FEZ1: variants seen among roughly 807,000 people sequenced by gnomAD.
The protein encoded by FEZ1 is fasciculation and elongation protein zeta 1.
Under a neutral mutation model 49.3 loss-of-function variants are expected in FEZ1, and 20 were observed. The ratio of observed to expected loss-of-function variants is 0.41; its 90% CI spans 0.29 to 0.59. The LOEUF (loss-of-function observed/expected upper bound fraction) is 0.59. Among genes scored for constraint, FEZ1 ranks in the 20% least tolerant of loss-of-function variants. The pLI is 0.36. For missense variants in FEZ1, 413 were observed against 476.0 expected, an observed-to-expected ratio of 0.87 and a Z score of 1.23; for synonymous variants, 170 against 180.9, an observed-to-expected ratio of 0.94 and a Z score of 0.48.
chr11:125,495,222 G>A lies in FEZ1; in HGVS notation c.-46+899C>T, dbSNP rs1046029163. On this transcript the variant is annotated intron_variant, in intron 1 of 9. Transcript: ENST00000278919. This position sits in a 1 kb window ranked among gnomAD's most constrained non-coding sequence, Gnocchi z 4.2. ...GAAAGCCTCCTCCAGGCAGCACAATGGCTGGCACTCTGAGGAAGCCGGACT... is the reference window on the plus strand; with the variant it reads ...GAAAGCCTCCTCCAGGCAGCACAATAGCTGGCACTCTGAGGAAGCCGGACT... The A allele has an allele frequency of 9.3e-5, 35 of 378,146 alleles. No individual in the cohort carries two copies. Among genetic ancestry groups the A allele is most frequent in the Non-Finnish European group, 1.8e-4 (33 of 180,174 alleles). The allele number at this position is 378,146 out of a possible 1,614,324, so 23.4% of individuals were successfully genotyped here.
rs537095838 is a variant in FEZ1, at chr11:125,452,421, A to G, written c.1021-12T>C. ...ACTGTGTTCAGATACTGCAAGACAA[A>G]CAGCATGCAGGGGGCTTGAGACAGA... On this transcript the variant is annotated splice_polypyrimidine_tract_variant and intron_variant, in intron 7 of 9. Transcript: ENST00000278919. 2.1e-5 allele frequency: 34 copies of G among 1,594,822 alleles called. No homozygotes were observed. The South Asian group carries it at 3.6e-4, about 17-fold the overall frequency.
At chr11:125,448,219 A>G (rs138567374) in intron 9 of FEZ1, among the ~76,000 whole-genome samples, 139 of 152,346 alleles carry the variant, frequency 9.1e-4, no homozygotes, top group African/African-American at 3.0e-3. Flanking sequence ...TCCCAACTAA[A>G]TACTAAGTAG....
intron 5 of FEZ1, among the ~76,000 whole-genome samples, chr11:125,459,506 C>T (rs1032181310): frequency 2.6e-5 from 4 of 151,562 alleles, no homozygotes; most frequent in Non-Finnish European, 5.9e-5. Context: ...GCAGGAGAAT[C>T]GCGTGAAGCT....
At position 125,445,341 on chromosome 11, in the gene FEZ1, C is replaced by T. The variant is rs1026880996; in HGVS notation, c.*754G>A. 3.9e-5 allele frequency among the ~76,000 whole-genome samples: 6 copies of T among 152,216 alleles called. No individual in the cohort carries two copies. The highest frequency in any genetic ancestry group is 3.2e-3 in the Middle Eastern group (1 of 316). ...CGCAGGCCCTGAGCCTCCAGGTCCC[C>T]GTGGACAGCCTGGGGAGGGTCTCCA... On this transcript the variant is annotated 3_prime_UTR_variant, in exon 10 of 10. Coordinates refer to ENST00000278919, the MANE Select transcript of FEZ1 (RefSeq NM_005103.5). This position sits in a 1 kb window ranked among gnomAD's most constrained non-coding sequence, Gnocchi z 4.4.
Position 125,444,667 on chromosome 11 carries a change from T to C in FEZ1, c.*1428A>G, listed in dbSNP as rs1211364480. Among the ~76,000 whole-genome samples the C allele has an allele frequency of 6.6e-6, 1 of 151,908 alleles. No homozygotes were observed. The highest frequency in any genetic ancestry group is 1.5e-5 in the Non-Finnish European group (1 of 67,970). ...GTCCCCTAGATGGATTCTGTGGCCT[T>C]CTGTGGAGCTGCTGATGTGATAAAG... On this transcript the variant is annotated 3_prime_UTR_variant, in exon 10 of 10. Transcript: ENST00000278919.
chr11:125,460,593 T>A lies in FEZ1; in HGVS notation c.572A>T (p.Glu191Val). 2 of 1,614,110 alleles carry A rather than the reference T, an allele frequency of 1.2e-6. No individual in the cohort carries two copies. The highest frequency in any genetic ancestry group is 8.5e-7 in the Non-Finnish European group (1 of 1,179,978). ...PEEEEEVLEE[E>V]DGGETSSQAD... ...CTGGGAGGAAGTTTCTCCTCCATCC[T>A]CTTCTTCCAGAACCTCCTCTTCTTC... Residue 191 changes from glutamate to valine, a missense_variant, in exon 5 of 10, where the codon GAG becomes GTG. Coordinates refer to ENST00000278919, the MANE Select transcript of FEZ1 (RefSeq NM_005103.5).
At chr11:125,486,869 A>G (rs1957329969) in intron 2 of FEZ1, among the ~76,000 whole-genome samples, 2 of 152,246 alleles carry the variant, frequency 1.3e-5, no homozygotes, top group Non-Finnish European at 2.9e-5. Flanking sequence ...TGTCTATGAA[A>G]CAAAGTGTGT....
intron 3 of FEZ1, among the ~76,000 whole-genome samples, chr11:125,473,137 T>C (rs1434330706): frequency 6.6e-6 from 1 of 152,150 alleles, no homozygotes; most frequent in Admixed American, 6.5e-5. Flanking sequence ...CAGTGTGGGA[T>C]TGGCATAAAG....
Position 125,489,972 on chromosome 11 carries a change from T to C in FEZ1, c.-45-150A>G. Reference sequence around the variant, plus strand: ...GCTCCTGGACAAGATCGTCTAGGTTTGCATTCTGTTCTGTCCTACCAGCTG... The same window carrying C: ...GCTCCTGGACAAGATCGTCTAGGTTCGCATTCTGTTCTGTCCTACCAGCTG... On this transcript the variant is annotated intron_variant, in intron 1 of 9. Transcript: ENST00000278919. This position sits in a 1 kb window ranked among gnomAD's most constrained non-coding sequence, Gnocchi z 4.2. The C allele has an allele frequency of 1.6e-6, 1 of 642,520 alleles. No homozygotes were observed. The highest frequency in any genetic ancestry group is 2.4e-6 in the Non-Finnish European group (1 of 414,324). 39.8% of individuals were successfully genotyped at this position (642,520 alleles called of 1,614,324 possible).
chr11:125,471,427 TAG>T (rs2135763571), intron 3 of FEZ1, among the ~76,000 whole-genome samples: 1 of 97,088 alleles, frequency 1.0e-5, no homozygotes, highest in African/African-American at 3.9e-5. Flanking sequence ...AGGATTGAGA[TAG>T]ATACACACAC....
intron 1 of FEZ1, among the ~76,000 whole-genome samples, chr11:125,494,522 T>TATA (rs1481173350): frequency 1.3e-5 from 2 of 152,238 alleles, no homozygotes; most frequent in African/African-American, 4.8e-5. Flanking sequence ...TTATTCCCTT[T>TATA]AGACTTCCAA....
intron 1 of FEZ1, among the ~76,000 whole-genome samples, chr11:125,493,827 G>A (rs1377539943): frequency 6.6e-6 from 1 of 152,206 alleles, no homozygotes; most frequent in African/African-American, 2.4e-5. Context: ...GGGAGAAGCA[G>A]ATGGTGACAC....
chr11:125,445,174 G>A lies in FEZ1; in HGVS notation c.*921C>T, dbSNP rs1956888180. On this transcript the variant is annotated 3_prime_UTR_variant, in exon 10 of 10. Transcript: ENST00000278919. This position sits in a 1 kb window ranked among gnomAD's most constrained non-coding sequence, Gnocchi z 4.4. ...GAGCTGCTGTTCATGGAGGGCCGCG[G>A]GAAGGGCCAGGACAGCACTGCAAAG... is the stretch of plus-strand genomic sequence containing the variant. 2.6e-5 allele frequency among the ~76,000 whole-genome samples: 4 copies of A among 152,328 alleles called. No individual in the cohort carries two copies. The South Asian group carries it at 8.3e-4, about 32-fold the overall frequency.
rs1309003744 is a variant in FEZ1 at position 125,493,508 on chromosome 11, G to GAGAAAGAAAGAA, written c.-46+2601_-46+2612dup. ...AAAGAAGGAAAGAAAGAAAGAAAGA[G>GAGAAAGAAAGAA]AGAAAGAAAGAAAGAAAGAAAGAAA... On this transcript the variant is annotated intron_variant, in intron 1 of 9. Transcript: ENST00000278919. Among the ~76,000 whole-genome samples the GAGAAAGAAAGAA allele has an allele frequency of 3.9e-4, 26 of 66,052 alleles. 2 individuals carry two copies. The highest frequency in any genetic ancestry group is 6.4e-4 in the South Asian group (1 of 1,568). 43.3% of individuals were successfully genotyped at this position (66,052 alleles called of 152,430 possible). A position where few individuals can be genotyped will look rare whatever the true frequency, so the allele number is the denominator to read the frequency against.
At chr11:125,474,410 T>G (rs1957211205) in intron 3 of FEZ1, among the ~76,000 whole-genome samples, 1 of 151,906 alleles carries the variant, frequency 6.6e-6, no homozygotes, top group Admixed American at 6.6e-5. Flanking sequence ...TCAAGCAATC[T>G]GCCCACCTTA....
chr11:125,480,549 C>T (rs1957269634), intron 3 of FEZ1, among the ~76,000 whole-genome samples: 1 of 152,168 alleles, frequency 6.6e-6, no homozygotes, highest in African/African-American at 2.4e-5. Context: ...TTTTTTTAAA[C>T]CATCATTATT....
chr11:125,477,040 G>A (rs918788457), intron 3 of FEZ1, among the ~76,000 whole-genome samples: 12 of 152,018 alleles, frequency 7.9e-5, no homozygotes, highest in African/African-American at 2.9e-4. Flanking sequence ...AAAGATGAAA[G>A]GTACTAACTG....
At chr11:125,484,467 G>A (rs1449742254) in intron 2 of FEZ1, among the ~76,000 whole-genome samples, 1 of 152,154 alleles carries the variant, frequency 6.6e-6, no homozygotes, top group African/African-American at 2.4e-5. Context: ...AACATACCAA[G>A]TTCCTAATCA....
intron 3 of FEZ1, chr11:125,468,925 A>G (rs1957158579): frequency 6.6e-6 from 1 of 152,236 alleles, no homozygotes; most frequent in Non-Finnish European, 1.5e-5. Flanking sequence ...AAAGGACTGT[A>G]GACTTCACTC....
Sources: gnomAD v4.1 joint callset for allele counts (sites outside exome capture counted in the v4.1 genomes callset) on GRCh38, gnomAD v4.1.1 for gene constraint, Gnocchi (gnomAD v3.1) non-coding constraint, MANE v1.5 for transcripts, NCBI Gene and HGNC (gene_info 2026-07-23, HGNC 2026-07-21) for gene names.